Variants in CDKAL1 observed in about 807,000 individuals in gnomAD.
CDKAL1 encodes the protein threonylcarbamoyladenosine tRNA methylthiotransferase.
In CDKAL1, 32 loss-of-function variants were observed where a neutral mutation model predicts 68.2. That is an observed-to-expected ratio of 0.47 (90% CI 0.35 to 0.63). The LOEUF is 0.63. Ranked by LOEUF, CDKAL1 falls within the 30% of genes least tolerant of loss-of-function variation. The pLI, the probability that CDKAL1 is intolerant of heterozygous loss-of-function variation, is 0.00. For missense variants in CDKAL1, 606 were observed against 696.7 expected, an observed-to-expected ratio of 0.87 and a Z score of 1.47; for synonymous variants, 234 against 244.3, an observed-to-expected ratio of 0.96 and a Z score of 0.39.
intron 5 of CDKAL1, among the ~76,000 whole-genome samples, chr6:20,734,514 A>T (rs906222785): frequency 3.6e-4 from 55 of 152,278 alleles, no homozygotes; most frequent in Admixed American, 1.8e-3. Flanking sequence ...TAAGGCTTTT[A>T]TTAACCTGAA....
At position 21,171,044 on chromosome 6, in the gene CDKAL1, TA is replaced by T. The variant is rs576161811; in HGVS notation, c.1300-26971del. On this transcript the variant is annotated intron_variant, in intron 13 of 15. Coordinates refer to ENST00000274695, the MANE Select transcript of CDKAL1 (RefSeq NM_017774.3). ...TTTAAATGGCTTTGATTTGATTGTT[TA>T]AAAAATATATAGAAAATCTGAAAAG... 3.7e-3 allele frequency among the ~76,000 whole-genome samples: 558 copies of T among 152,264 alleles called. 2 individuals carry two copies. Among genetic ancestry groups the T allele is most frequent in the Admixed American group, 7.1e-3 (108 of 15,286 alleles).
rs183839450 is a variant in CDKAL1 at position 20,941,896 on chromosome 6, T to C, written c.743-13523T>C. ...GGCGATAAGGAATTATCACTTTTTT[T>C]CCATGAGGTAGTTATTTCAAAATGA... On this transcript the variant is annotated intron_variant, in intron 9 of 15. Coordinates refer to ENST00000274695, the MANE Select transcript of CDKAL1 (RefSeq NM_017774.3). 5.8e-4 allele frequency among the ~76,000 whole-genome samples: 89 copies of C among 152,362 alleles called. 2 individuals carry two copies. The East Asian group carries it at 8.5e-3, about 15-fold the overall frequency.
intron 9 of CDKAL1, among the ~76,000 whole-genome samples, chr6:20,871,305 A>G (rs1760201950): frequency 1.3e-5 from 2 of 152,170 alleles, no homozygotes; most frequent in Admixed American, 1.3e-4. Context: ...CCATAATTTC[A>G]AAGTATTGTA....
intron 7 of CDKAL1, among the ~76,000 whole-genome samples, chr6:20,770,738 T>C (rs1310475658): frequency 6.6e-6 from 1 of 152,218 alleles, no homozygotes; most frequent in Non-Finnish European, 1.5e-5. Context: ...TTAATAAATC[T>C]TTTAAGTGAA....
At chr6:20,632,675 G>A (rs1168689784) in intron 4 of CDKAL1, among the ~76,000 whole-genome samples, 2 of 152,030 alleles carry the variant, frequency 1.3e-5, no homozygotes, top group Non-Finnish European at 2.9e-5. Context: ...TCTTGGTCTC[G>A]CTTATTTGTT....
chr6:20,775,326 G>C (rs1410332745), intron 7 of CDKAL1, among the ~76,000 whole-genome samples: 1 of 151,732 alleles, frequency 6.6e-6, no homozygotes. Flanking sequence ...ATATTGTTTT[G>C]CTTTCTTTCT....
chr6:21,129,367 C>G (rs959892546), intron 13 of CDKAL1, among the ~76,000 whole-genome samples: 1 of 151,944 alleles, frequency 6.6e-6, no homozygotes, highest in Non-Finnish European at 1.5e-5. Flanking sequence ...AAATATTGTT[C>G]TGGTTCTCTC....
chr6:20,808,722 A>G (rs75365018), intron 8 of CDKAL1, among the ~76,000 whole-genome samples: 1,676 of 152,288 alleles, frequency 0.011, 17 homozygotes, highest in Middle Eastern at 0.017. Context: ...ATGTATTATT[A>G]GTATGAGGTA....
intron 13 of CDKAL1, among the ~76,000 whole-genome samples, chr6:21,190,672 T>C (rs527385658): frequency 4.1e-4 from 62 of 151,940 alleles, no homozygotes; most frequent in Admixed American, 2.4e-3. Flanking sequence ...CGGGCTGATA[T>C]GTGTTTTAAT....
At chr6:20,992,026 C>CTT (rs71530400) in intron 10 of CDKAL1, among the ~76,000 whole-genome samples, 10 of 77,680 alleles carry the variant, frequency 1.3e-4, no homozygotes, top group African/African-American at 1.6e-4. Flanking sequence ...CTTTTTTTTT[C>CTT]TTTTCTTTTT....
chr6:20,576,623 T>G (rs1487714635), intron 4 of CDKAL1, among the ~76,000 whole-genome samples: 1 of 152,226 alleles, frequency 6.6e-6, no homozygotes, highest in Non-Finnish European at 1.5e-5. Context: ...TTGTGTGACC[T>G]GTGAAGATGG....
chr6:21,156,923 G>T (rs963754105), intron 13 of CDKAL1, among the ~76,000 whole-genome samples: 2 of 152,140 alleles, frequency 1.3e-5, no homozygotes, highest in Non-Finnish European at 2.9e-5. Flanking sequence ...CAAGGAGAAG[G>T]GTCTGCTCTC....
chr6:20,742,775 G>A (rs1581489090), intron 6 of CDKAL1, among the ~76,000 whole-genome samples: 1 of 151,638 alleles, frequency 6.6e-6, no homozygotes, highest in East Asian at 1.9e-4. Flanking sequence ...TTAATTATAT[G>A]TTTACCAGCA....
Position 20,672,236 on chromosome 6 carries a change from C to CTCTTTCTTTCTT in CDKAL1, c.371+22877_371+22888dup, listed in dbSNP as rs66598881. 4.7e-4 allele frequency among the ~76,000 whole-genome samples: 64 copies of CTCTTTCTTTCTT among 135,538 alleles called. 1 individual carries two copies. In the East Asian group the frequency reaches 0.01, roughly 22 times the overall value. 88.9% of individuals were successfully genotyped at this position (135,538 alleles called of 152,430 possible). A position where few individuals can be genotyped will look rare whatever the true frequency, so the allele number is the denominator to read the frequency against. On this transcript the variant is annotated intron_variant, in intron 5 of 15. Transcript: ENST00000274695. ...CTTTCTTCCTTTCTTTCTTTTCTTT[C>CTCTTTCTTTCTT]TCTTTCTTTCTTTCTTTCTTTCTTT... is the stretch of plus-strand genomic sequence containing the variant.
intron 15 of CDKAL1, among the ~76,000 whole-genome samples, chr6:21,215,650 G>C (rs1463317576): frequency 6.6e-6 from 1 of 152,112 alleles, no homozygotes; most frequent in Non-Finnish European, 1.5e-5. Context: ...AAATCTAAAC[G>C]TTAATGGAAG....
At chr6:20,971,775 T>G (rs915617573) in intron 10 of CDKAL1, among the ~76,000 whole-genome samples, 1 of 152,234 alleles carries the variant, frequency 6.6e-6, no homozygotes, top group African/African-American at 2.4e-5. Flanking sequence ...CATTCACATG[T>G]AAGTCATCTG....
At chr6:20,646,178 T>C (rs1768450570) in intron 4 of CDKAL1, among the ~76,000 whole-genome samples, 1 of 145,622 alleles carries the variant, frequency 6.9e-6, no homozygotes, top group Non-Finnish European at 1.5e-5. Flanking sequence ...TGCCTCAGCC[T>C]CCCGAGTAGC....
chr6:21,094,496 C>T (rs1208726922), intron 12 of CDKAL1, among the ~76,000 whole-genome samples: 1 of 151,782 alleles, frequency 6.6e-6, no homozygotes, highest in Non-Finnish European at 1.5e-5. Context: ...ACAACATACA[C>T]AAAAATAGAC....
chr6:20,659,987 T>C (rs548594153), intron 5 of CDKAL1, among the ~76,000 whole-genome samples: 5 of 152,268 alleles, frequency 3.3e-5, no homozygotes, highest in African/African-American at 1.2e-4. Context: ...TTGCATATGT[T>C]CTTCCCTTCC....
Sources: allele counts gnomAD v4.1 joint callset (sites outside exome capture counted in the v4.1 genomes callset), GRCh38; gene constraint gnomAD v4.1.1; transcripts MANE v1.5; gene names NCBI Gene and HGNC (gene_info 2026-07-23, HGNC 2026-07-21).